The following SGCZ variants were observed in gnomAD, a reference collection of about 807,000 sequenced individuals.
The protein encoded by SGCZ is sarcoglycan zeta, also known as zeta-sarcoglycan.
A neutral mutation model predicts 41.3 loss-of-function variants in SGCZ; 40 were observed. That is an observed-to-expected ratio of 0.97 (90% CI 0.75 to 1.26). SGCZ has a LOEUF of 1.26. SGCZ is among the 50% of genes most tolerant of loss of function. SGCZ has a pLI of 0.00. For synonymous variants in SGCZ, 206 were observed against 137.5 expected, an observed-to-expected ratio of 1.50 and a Z score of -3.49; for missense variants, 552 against 369.8, an observed-to-expected ratio of 1.49 and a Z score of -4.04.
At position 14,462,856 on chromosome 8, in the gene SGCZ, G is replaced by T. The variant is rs575286505; in HGVS notation, c.234+91876C>A. Among the ~76,000 whole-genome samples the T allele has an allele frequency of 5.0e-4, 75 of 149,520 alleles. No individual in the cohort carries two copies. The South Asian group carries it at 0.016, about 31-fold the overall frequency. On this transcript the variant is annotated intron_variant, in intron 2 of 7. Transcript: ENST00000382080. ...TTAAACCTTCCAATCCATGGGCATA[G>T]AATGTCTTTTAAGAATTTTTTTTTG... is the stretch of plus-strand genomic sequence containing the variant.
At chr8:14,861,363 A>G (rs533183550) in intron 1 of SGCZ, among the ~76,000 whole-genome samples, 2 of 152,274 alleles carry the variant, frequency 1.3e-5, no homozygotes, top group South Asian at 4.1e-4. Flanking sequence ...CACATGTGTT[A>G]ACAAGTGAAA....
chr8:14,880,291 A>T (rs1404265335), intron 1 of SGCZ, among the ~76,000 whole-genome samples: 2 of 152,214 alleles, frequency 1.3e-5, no homozygotes, highest in Non-Finnish European at 2.9e-5. Context: ...ATCATTAAAA[A>T]GTCAAGAAAC....
intron 1 of SGCZ, among the ~76,000 whole-genome samples, chr8:14,613,240 G>A (rs989439290): frequency 1.1e-4 from 16 of 152,108 alleles, no homozygotes; most frequent in Admixed American, 3.9e-4. Flanking sequence ...GAAAGTTTAT[G>A]ATGTAATGTA....
chr8:14,667,056 T>C (rs111421269), intron 1 of SGCZ, among the ~76,000 whole-genome samples: 1 of 151,326 alleles, frequency 6.6e-6, no homozygotes, highest in Non-Finnish European at 1.5e-5. Context: ...GAGAGAGACA[T>C]ATATATATGT....
intron 2 of SGCZ, among the ~76,000 whole-genome samples, chr8:14,354,587 A>ATACTCTCT (rs1803225634): frequency 6.6e-6 from 1 of 151,696 alleles, no homozygotes; most frequent in Admixed American, 6.6e-5. Context: ...AACATAATAC[A>ATACTCTCT]AGAGTAAACT....
intron 3 of SGCZ, among the ~76,000 whole-genome samples, chr8:14,253,940 C>T (rs201737973): frequency 0.57 from 71,647 of 126,398 alleles, 17,310 homozygotes; most frequent in African/African-American, 0.64. Context: ...ACTTGTTCTG[C>T]TTTTCATGAA....
chr8:14,188,777 C>G (rs948720903), intron 4 of SGCZ, among the ~76,000 whole-genome samples: 1 of 151,568 alleles, frequency 6.6e-6, no homozygotes, highest in Non-Finnish European at 1.5e-5. Flanking sequence ...AATAATAATC[C>G]CACTTTTTCC....
intron 5 of SGCZ, among the ~76,000 whole-genome samples, chr8:14,155,202 C>A (rs1563157439): frequency 6.6e-6 from 1 of 152,170 alleles, no homozygotes; most frequent in African/African-American, 2.4e-5. Context: ...TGATTCCTGA[C>A]CTTAATATCT....
intron 1 of SGCZ, among the ~76,000 whole-genome samples, chr8:15,090,035 T>C (rs1032417546): frequency 6.6e-6 from 1 of 152,248 alleles, no homozygotes; most frequent in African/African-American, 2.4e-5. Flanking sequence ...TTTGAAACTT[T>C]TGATATTACC....
At chr8:15,109,284 G>C (rs976691158) in intron 1 of SGCZ, among the ~76,000 whole-genome samples, 1 of 152,072 alleles carries the variant, frequency 6.6e-6, no homozygotes, top group African/African-American at 2.4e-5. Flanking sequence ...TTCTGCTAAT[G>C]AATCATGACA....
intron 1 of SGCZ, among the ~76,000 whole-genome samples, chr8:14,602,970 T>C (rs551043357): frequency 2.6e-5 from 4 of 152,138 alleles, no homozygotes; most frequent in African/African-American, 4.8e-5. Flanking sequence ...ACACTAGGCA[T>C]GCCGAAGTAG....
At chr8:14,953,660 C>T (rs17608413) in intron 1 of SGCZ, among the ~76,000 whole-genome samples, 56,161 of 151,832 alleles carry the variant, frequency 0.37, 10,994 homozygotes, top group East Asian at 0.48. Flanking sequence ...ACTATGCAGA[C>T]TTTTAAGTCA....
At chr8:14,280,625 G>C (rs1359649841) in intron 3 of SGCZ, among the ~76,000 whole-genome samples, 4 of 151,764 alleles carry the variant, frequency 2.6e-5, no homozygotes, top group African/African-American at 9.7e-5. Context: ...TTTTATACTA[G>C]CTTTCTAAAT....
At chr8:14,366,981 G>C (rs76066363) in intron 2 of SGCZ, among the ~76,000 whole-genome samples, 2,222 of 152,166 alleles carry the variant, frequency 0.015, 53 homozygotes, top group African/African-American at 0.05. Flanking sequence ...TTTCCACAGA[G>C]GGCTTAAATT....
intron 1 of SGCZ, among the ~76,000 whole-genome samples, chr8:14,570,180 A>G (rs1329037490): frequency 6.6e-6 from 1 of 152,194 alleles, no homozygotes; most frequent in Non-Finnish European, 1.5e-5. Flanking sequence ...TCCTTCAAGC[A>G]GAGCAGGTAG....
At chr8:15,028,705 C>A (rs1803547190) in intron 1 of SGCZ, among the ~76,000 whole-genome samples, 1 of 152,012 alleles carries the variant, frequency 6.6e-6, no homozygotes, top group Non-Finnish European at 1.5e-5. Context: ...ATGACTCTTA[C>A]AAATAGCTTT....
intron 2 of SGCZ, among the ~76,000 whole-genome samples, chr8:14,480,654 T>G (rs1801510891): frequency 6.6e-6 from 1 of 152,100 alleles, no homozygotes; most frequent in African/African-American, 2.4e-5. Context: ...TACAAAAAAC[T>G]TATGCTTATT....
At chr8:14,240,321 CTG>C (rs1798825441) in intron 3 of SGCZ, among the ~76,000 whole-genome samples, 3 of 80,314 alleles carry the variant, frequency 3.7e-5, no homozygotes, top group East Asian at 6.1e-4. Flanking sequence ...GAGCGAAACT[CTG>C]TGTCAAAAAA....
chr8:14,434,907 G>A (rs1426276441), intron 2 of SGCZ, among the ~76,000 whole-genome samples: 1 of 152,066 alleles, frequency 6.6e-6, no homozygotes, highest in Non-Finnish European at 1.5e-5. Flanking sequence ...CACTCAAGTG[G>A]AGAGCAAGTC....
Sources: allele counts gnomAD v4.1 joint callset (sites outside exome capture counted in the v4.1 genomes callset), GRCh38; gene constraint gnomAD v4.1.1; transcripts MANE v1.5; gene names NCBI Gene and HGNC (gene_info 2026-07-23, HGNC 2026-07-21).